Variants in NUDT14 observed in about 807,000 individuals in gnomAD.
NUDT14 encodes nudix hydrolase 14, also known as uridine diphosphate glucose pyrophosphatase NUDT14.
Under a neutral mutation model 17.5 loss-of-function variants are expected in NUDT14, and 22 were observed. The ratio of observed to expected loss-of-function variants is 1.26; its 90% CI spans 0.90 to 1.80. The LOEUF is 1.80. Among genes scored for constraint, NUDT14 ranks in the 40% most tolerant of loss-of-function variants. The probability of loss-of-function intolerance (pLI) is 0.00; values close to 1 mark genes in which losing one functional copy is unlikely to be tolerated. For synonymous variants in NUDT14, 129 were observed against 125.8 expected (o/e 1.03, Z -0.17); for missense variants, 296 against 295.6 (o/e 1.00, Z -0.01).
In NUDT14 at chr14:105,173,328, C is replaced by G; in HGVS notation, c.429-67G>C. The G allele has an allele frequency of 7.1e-7, 1 of 1,417,022 alleles. No individual in the cohort carries two copies. The highest frequency in any genetic ancestry group is 1.5e-5 in the African/African-American group (1 of 68,614). 87.8% of individuals were successfully genotyped at this position (1,417,022 alleles called of 1,614,324 possible). ...CCCGCTGGCCCCCTGGCCCTTCTAC[C>G]ACCCTCCAACCCACCCTCTCCACTC... On this transcript the variant is annotated intron_variant, in intron 4 of 4. Coordinates refer to ENST00000392568, the MANE Select transcript of NUDT14 (RefSeq NM_177533.5). This position sits in a 1 kb window ranked among gnomAD's most constrained non-coding sequence, Gnocchi z 4.7.
chr14:105,173,190 C>T lies in NUDT14; in HGVS notation c.500G>A (p.Gly167Asp). Residue 167 changes from glycine (G) to aspartate (D), a missense_variant, in exon 5 of 5, where the codon GGT becomes GAT. Gly to Asp is a moderately conservative substitution (Grantham distance 94). Transcript: ENST00000392568. The surrounding 1 kb of genome is among the most constrained non-coding windows in gnomAD (Gnocchi z 4.7). Reference sequence around the variant, plus strand: ...CTCCTCCACCAGGCCCCCACCTGGACCGCTACGCTGGGCATCTGTCACCTC... The same window carrying T: ...CTCCTCCACCAGGCCCCCACCTGGATCGCTACGCTGGGCATCTGTCACCTC... ...YTEVTDAQRS[G>D]PGGGLVEEGE... 2 of 1,610,454 alleles carry T rather than the reference C, an allele frequency of 1.2e-6. No homozygotes were observed. The highest frequency in any genetic ancestry group is 1.7e-5 in the Admixed American group (1 of 59,622).
intron 4 of NUDT14, among the ~76,000 whole-genome samples, chr14:105,174,520 C>G (rs1889170222): frequency 6.6e-6 from 1 of 152,150 alleles, no homozygotes; most frequent in African/African-American, 2.4e-5. Flanking sequence ...TGCCCCACCC[C>G]CAAGGCCTCC....
intron 4 of NUDT14, among the ~76,000 whole-genome samples, chr14:105,174,767 G>T (rs901999027): frequency 8.6e-5 from 13 of 152,034 alleles, no homozygotes; most frequent in African/African-American, 2.9e-4. Context: ...GCTGGGCAAC[G>T]CCTCCCCCAC....
intron 1 of NUDT14, among the ~76,000 whole-genome samples, 190 bp downstream of exon 1, chr14:105,180,939 C>T (rs1017559587): frequency 2.3e-4 from 35 of 152,110 alleles, no homozygotes; most frequent in Admixed American, 1.2e-3. Context: ...CGGCCCCTCC[C>T]CGGCCTGGGG....
At chr14:105,176,081 C>T (rs1042087409) in intron 4 of NUDT14, 8 of 1,057,904 alleles carry the variant, frequency 7.6e-6, no homozygotes, top group South Asian at 1.7e-5. Context: ...GTTGGTGCCT[C>T]GAGTTTGGTG....
intron 1 of NUDT14, among the ~76,000 whole-genome samples, chr14:105,180,417 G>A (rs1390583333): frequency 6.6e-6 from 1 of 152,192 alleles, no homozygotes; most frequent in Non-Finnish European, 1.5e-5. Flanking sequence ...GCAGTGAGCT[G>A]TGACCATGCC....
intron 1 of NUDT14, 94 bp from the exon 2 acceptor site, chr14:105,177,829 A>T (rs1889249048): frequency 5.0e-6 from 6 of 1,193,706 alleles, no homozygotes; most frequent in Non-Finnish European, 7.4e-6. Context: ...CCCACTCCTA[A>T]CCAGGGAGAT....
chr14:105,173,007 A>G lies in NUDT14; in HGVS notation c.*14T>C. 6.7e-7 allele frequency: 1 copy of G among 1,503,588 alleles called. No homozygotes were observed. Among genetic ancestry groups the G allele is most frequent in the Non-Finnish European group, 8.9e-7 (1 of 1,127,498 alleles). 93.1% of individuals were successfully genotyped at this position (1,503,588 alleles called of 1,614,324 possible). ...GAGTGGCCAAGACTGGCCTCTGTCT[A>G]GAACCCTGGAGTCTCACTGGAGATC... On this transcript the variant is annotated 3_prime_UTR_variant, in exon 5 of 5. Coordinates refer to ENST00000392568, the MANE Select transcript of NUDT14 (RefSeq NM_177533.5). The surrounding 1 kb of genome is among the most constrained non-coding windows in gnomAD (Gnocchi z 4.7).
intron 4 of NUDT14, among the ~76,000 whole-genome samples, chr14:105,174,910 CAG>C (rs1267519840): frequency 2.0e-5 from 3 of 152,212 alleles, no homozygotes; most frequent in Non-Finnish European, 4.4e-5. Flanking sequence ...GGCCCTGCCA[CAG>C]GGTGGGTGAA....
chr14:105,176,486 C>A, intron 4 of NUDT14, 48 bp downstream of exon 4: 2 of 1,457,754 alleles, frequency 1.4e-6, no homozygotes, highest in South Asian at 1.1e-5. Flanking sequence ...CTCACTCTCT[C>A]CCATCTCCTG....
chr14:105,180,045 CAGAGGGG>C (rs1451201996), intron 1 of NUDT14, among the ~76,000 whole-genome samples: 1 of 152,116 alleles, frequency 6.6e-6, no homozygotes, highest in Non-Finnish European at 1.5e-5. Context: ...GGAGCTCTGG[CAGAGGGG>C]AGATCTGCTG....
chr14:105,173,490 T>C lies in NUDT14; in HGVS notation c.429-229A>G. On this transcript the variant is annotated intron_variant, in intron 4 of 4. Transcript: ENST00000392568. The surrounding 1 kb of genome is among the most constrained non-coding windows in gnomAD (Gnocchi z 4.7). ...ATCACGTTGTACTCGCCAGGTGGGG[T>C]GGGTGTTGTCGATGTGATTAAGGAC... The C allele has an allele frequency of 2.4e-6, 1 of 409,778 alleles. No individual in the cohort carries two copies. The allele number at this position is 409,778 out of a possible 1,614,324, so 25.4% of individuals were successfully genotyped here. A position where few individuals can be genotyped will look rare whatever the true frequency, so the allele number is the denominator to read the frequency against.
rs113343087 is a variant in NUDT14 at position 105,177,778 on chromosome 14, G to A, written c.82-43C>T. On this transcript the variant is annotated intron_variant, in intron 1 of 4. Transcript: ENST00000392568. ...GCGGTTAGAATGTCCCAGGATGGGC[G>A]GAGGTGCTCGGGGAACCGAGGAGGC... 8.2e-6 allele frequency: 13 copies of A among 1,594,530 alleles called. No individual in the cohort carries two copies. The Middle Eastern group carries it at 5.0e-4, about 61-fold the overall frequency.
intron 1 of NUDT14, among the ~76,000 whole-genome samples, chr14:105,178,020 C>T (rs1245342600): frequency 1.3e-5 from 2 of 152,110 alleles, no homozygotes; most frequent in Non-Finnish European, 2.9e-5. Context: ...CAGCACAGAC[C>T]GAGCACAAGG....
chr14:105,173,357 TCCCTCCAG>T lies in NUDT14; in HGVS notation c.429-104_429-97del. The T allele has an allele frequency of 7.5e-7, 1 of 1,331,482 alleles. No individual in the cohort carries two copies. Among genetic ancestry groups the T allele is most frequent in the South Asian group, 1.9e-5 (1 of 51,984 alleles). The allele number at this position is 1,331,482 out of a possible 1,614,324, so 82.5% of individuals were successfully genotyped here. On this transcript the variant is annotated intron_variant, in intron 4 of 4. Transcript: ENST00000392568. The surrounding 1 kb of genome is among the most constrained non-coding windows in gnomAD (Gnocchi z 4.7). ...CTCCAACCCACCCTCTCCACTCTGCTCCCTCCAGCCCTCCAGTAGGCAGGACTCTGGGA... is the reference window on the plus strand; with the variant it reads ...CTCCAACCCACCCTCTCCACTCTGCTCCCTCCAGTAGGCAGGACTCTGGGA...
Position 105,175,969 on chromosome 14 carries a change from G to A in NUDT14, c.428+565C>T. On this transcript the variant is annotated intron_variant, in intron 4 of 4. Coordinates refer to ENST00000392568, the MANE Select transcript of NUDT14 (RefSeq NM_177533.5). ...TTCCCCAAGACCTCAGCTGGGGTCA[G>A]GAGCCCATCGTAGCGTCCCTGGGGA... 2.4e-6 allele frequency: 3 copies of A among 1,272,334 alleles called. No homozygotes were observed. The South Asian group carries it at 3.8e-5, about 16-fold the overall frequency. The allele number at this position is 1,272,334 out of a possible 1,614,324, so 78.8% of individuals were successfully genotyped here.
Position 105,181,239 on chromosome 14 carries a change from G to A in NUDT14, c.-30C>T, listed in dbSNP as rs1360219448. ...GCGCCCGGACAGGCGGGGGCCGCGAGCTCTGCGGGGGCCGACACGGGGCGG... is the reference window on the plus strand; with the variant it reads ...GCGCCCGGACAGGCGGGGGCCGCGAACTCTGCGGGGGCCGACACGGGGCGG... On this transcript the variant is annotated 5_prime_UTR_variant, in exon 1 of 5. Coordinates refer to ENST00000392568, the MANE Select transcript of NUDT14 (RefSeq NM_177533.5). This position sits in a 1 kb window ranked among gnomAD's most constrained non-coding sequence, Gnocchi z 5.0. 3 of 228,818 alleles carry A rather than the reference G, an allele frequency of 1.3e-5. No homozygotes were observed. Among genetic ancestry groups the A allele is most frequent in the East Asian group, 1.2e-4 (1 of 8,084 alleles). The allele number at this position is 228,818 out of a possible 1,614,324, so 14.2% of individuals were successfully genotyped here.
chr14:105,179,525 G>T (rs1234972391), intron 1 of NUDT14, among the ~76,000 whole-genome samples: 2 of 152,246 alleles, frequency 1.3e-5, no homozygotes, highest in Non-Finnish European at 2.9e-5. Flanking sequence ...GGCTGCAAGG[G>T]CTGCCCTGAG....
chr14:105,180,755 TCTC>T (rs1215221075), intron 1 of NUDT14, among the ~76,000 whole-genome samples: 2 of 152,082 alleles, frequency 1.3e-5, no homozygotes, highest in East Asian at 3.9e-4. Flanking sequence ...GGCCCAGCTA[TCTC>T]CTCCTTCAAG....
Sources: allele counts gnomAD v4.1 joint callset (sites outside exome capture counted in the v4.1 genomes callset), GRCh38; gene constraint gnomAD v4.1.1; non-coding constraint Gnocchi (gnomAD v3.1); transcripts MANE v1.5; gene names NCBI Gene and HGNC (gene_info 2026-07-23, HGNC 2026-07-21).